Variants in ATOX1 observed in about 807,000 individuals in gnomAD.
The protein encoded by ATOX1 is antioxidant 1 copper chaperone.
ATOX1 carries 4 observed loss-of-function variants against 7.3 expected under a neutral mutation model. That is an observed-to-expected ratio of 0.55 (90% CI 0.27 to 1.25). The LOEUF (loss-of-function observed/expected upper bound fraction) is 1.25, where lower values mean the gene tolerates loss of function less well. ATOX1 is among the 50% of genes most tolerant of loss of function. ATOX1 has a pLI of 0.12. For missense variants in ATOX1, 68 were observed against 81.6 expected, an observed-to-expected ratio of 0.83 and a Z score of 0.64; for synonymous variants, 25 against 28.7, an observed-to-expected ratio of 0.87 and a Z score of 0.41.
intron 1 of ATOX1, 54 bp from the exon 2 acceptor site, chr5:151,751,833 C>T: frequency 1.9e-6 from 3 of 1,541,822 alleles, no homozygotes; most frequent in East Asian, 2.4e-5. Flanking sequence ...GACCCCCACA[C>T]AGTGCCAGCA....
At chr5:151,744,939 G>A (rs1761864100) in intron 3 of ATOX1, 1 of 152,210 alleles carries the variant, frequency 6.6e-6, no homozygotes, top group Non-Finnish European at 1.5e-5. Context: ...TTACCGATGG[G>A]AAGACCAAAT....
At chr5:151,753,110 G>C (rs1761971119) in intron 1 of ATOX1, among the ~76,000 whole-genome samples, 1 of 152,176 alleles carries the variant, frequency 6.6e-6, no homozygotes, top group African/African-American at 2.4e-5. Flanking sequence ...CAACCACAAG[G>C]AGAGGTCCAC....
At chr5:151,747,696 T>C (rs1331735005) in intron 2 of ATOX1, among the ~76,000 whole-genome samples, 1 of 152,118 alleles carries the variant, frequency 6.6e-6, no homozygotes, top group Non-Finnish European at 1.5e-5. Flanking sequence ...GCGATTCTTC[T>C]GCCTCAGCCA....
chr5:151,746,543 C>T (rs1761881655), intron 2 of ATOX1, 94 bp from the exon 3 acceptor site: 4 of 1,516,516 alleles, frequency 2.6e-6, no homozygotes, highest in Admixed American at 1.8e-5. Flanking sequence ...CTACTCACAA[C>T]CACCCTTGCC....
intron 2 of ATOX1, among the ~76,000 whole-genome samples, chr5:151,750,323 C>A (rs1450581564): frequency 6.6e-6 from 1 of 151,996 alleles, no homozygotes; most frequent in Non-Finnish European, 1.5e-5. Flanking sequence ...TTTGGGAGAC[C>A]AAAGCAGGCG....
At position 151,746,285 on chromosome 5, in the gene ATOX1, C is replaced by A. The variant is rs371306915; in HGVS notation, c.*40G>T. ...GTGCTGGGGCCTTACCCACCTGCCC[C>A]CTTTGGTCCATCCTGTGGGCTGTGG... On this transcript the variant is annotated 3_prime_UTR_variant, in exon 3 of 4. Transcript: ENST00000313115. 5.0e-6 allele frequency: 8 copies of A among 1,609,930 alleles called. No individual in the cohort carries two copies. The East Asian group carries it at 6.7e-5, about 13-fold the overall frequency.
intron 1 of ATOX1, chr5:151,753,761 G>T (rs1761979392): frequency 6.6e-6 from 1 of 152,170 alleles, no homozygotes; most frequent in African/African-American, 2.4e-5. Context: ...AGCGGGCCCT[G>T]CCACTCCCCA....
chr5:151,747,994 CACT>C (rs998439238), intron 2 of ATOX1, among the ~76,000 whole-genome samples: 2 of 152,182 alleles, frequency 1.3e-5, no homozygotes, highest in African/African-American at 2.4e-5. Context: ...AATTTTTCAC[CACT>C]ATCACAATGT....
chr5:151,758,408 G>C, intron 1 of ATOX1, 138 bp downstream of exon 1: 5 of 1,304,702 alleles, frequency 3.8e-6, no homozygotes, highest in Non-Finnish European at 4.9e-6. Context: ...TGGGGGCTGG[G>C]TGGGGTAAGC....
intron 1 of ATOX1, among the ~76,000 whole-genome samples, chr5:151,756,646 G>A (rs7731472): frequency 0.18 from 28,061 of 151,832 alleles, 2,904 homozygotes; most frequent in African/African-American, 0.28. Flanking sequence ...CTAATTTTTT[G>A]TATTTTTTGT....
rs1369085596 is a variant in ATOX1, at chr5:151,751,685, C to T, written c.82+19G>A. On this transcript the variant is annotated intron_variant, in intron 2 of 3. Transcript: ENST00000313115. ...CTGAACATGGCATAAGTGCACCCAA[C>T]TCAGGGCCACTCACTCACCTCCAAG... 6.3e-7 allele frequency: 1 copy of T among 1,594,220 alleles called. No individual in the cohort carries two copies. The highest frequency in any genetic ancestry group is 8.5e-7 in the Non-Finnish European group (1 of 1,170,356).
chr5:151,755,079 C>T (rs985610439), intron 1 of ATOX1, among the ~76,000 whole-genome samples: 7 of 150,776 alleles, frequency 4.6e-5, no homozygotes, highest in Non-Finnish European at 1.5e-5. Context: ...AGTAGTTGTA[C>T]CAGAGACCCT....
At chr5:151,750,560 AT>A (rs898074664) in intron 2 of ATOX1, among the ~76,000 whole-genome samples, 1,857 of 145,926 alleles carry the variant, frequency 0.013, 33 homozygotes, top group African/African-American at 0.041. Context: ...ATTAATTTAA[AT>A]TTTTTTTTTT....
chr5:151,752,552 T>C, intron 1 of ATOX1: 1 of 563,674 alleles, frequency 1.8e-6, no homozygotes, highest in South Asian at 2.3e-5. Context: ...GAACAGTGCC[T>C]GGACAGAGTA....
chr5:151,757,633 C>T (rs537998287), intron 1 of ATOX1, among the ~76,000 whole-genome samples: 2 of 152,306 alleles, frequency 1.3e-5, no homozygotes, highest in South Asian at 4.1e-4. Context: ...GAAGAAAATG[C>T]TAAACACCAC....
At chr5:151,751,280 T>C (rs1248633127) in intron 2 of ATOX1, among the ~76,000 whole-genome samples, 2 of 137,756 alleles carry the variant, frequency 1.5e-5, no homozygotes, top group African/African-American at 5.6e-5. Flanking sequence ...AAAAAAAAAA[T>C]TCAATAGAAA....
chr5:151,751,744 G>T lies in ATOX1; in HGVS notation c.42C>A (p.Gly14=). 6.2e-7 allele frequency: 1 copy of T among 1,609,754 alleles called. No individual in the cohort carries two copies. The highest frequency in any genetic ancestry group is 8.5e-7 in the Non-Finnish European group (1 of 1,178,204). ...GGACCCGAGAGACAGCTTCAGCACAGCCTCCACAGGTCATGTCCACAGAGA... is the reference window on the plus strand; with the variant it reads ...GGACCCGAGAGACAGCTTCAGCACATCCTCCACAGGTCATGTCCACAGAGA... ...HEFSVDMTCG[G]CAEAVSRVLN... is the part of the protein sequence containing the mutation. The change falls in exon 2 of 4, where the codon GGC becomes GGA. Residue 14 remains glycine, a synonymous_variant. Coordinates refer to ENST00000313115, the MANE Select transcript of ATOX1 (RefSeq NM_004045.4).
At chr5:151,749,577 G>C (rs1398919533) in intron 2 of ATOX1, among the ~76,000 whole-genome samples, 1 of 151,278 alleles carries the variant, frequency 6.6e-6, no homozygotes, top group African/African-American at 2.4e-5. Flanking sequence ...CTTGAACCCG[G>C]GGCAGAGTGG....
chr5:151,748,184 T>C (rs780730878), intron 2 of ATOX1, among the ~76,000 whole-genome samples: 2 of 152,190 alleles, frequency 1.3e-5, no homozygotes, highest in African/African-American at 4.8e-5. Context: ...CAGCAGCACA[T>C]GGGAGGACCC....
Sources: gnomAD v4.1 joint callset for allele counts (sites outside exome capture counted in the v4.1 genomes callset) on GRCh38, gnomAD v4.1.1 for gene constraint, MANE v1.5 for transcripts, NCBI Gene and HGNC (gene_info 2026-07-23, HGNC 2026-07-21) for gene names.